ABCC8: variants seen among roughly 807,000 people sequenced by gnomAD.
ABCC8 encodes the protein ATP binding cassette subfamily C member 8, also known as ATP-binding cassette sub-family C member 8.
In ABCC8, 137 loss-of-function variants were observed where a neutral mutation model predicts 188.0. That is an observed-to-expected ratio of 0.73 (90% confidence interval 0.63 to 0.84). The LOEUF (loss-of-function observed/expected upper bound fraction) is 0.84, where lower values mean the gene tolerates loss of function less well. Ranked by LOEUF, ABCC8 falls within the 40% of genes least tolerant of loss-of-function variation. ABCC8 has a pLI of 0.00. For synonymous variants in ABCC8, 797 were observed against 846.5 expected, an observed-to-expected ratio of 0.94 and a Z score of 1.01; for missense variants, 1,750 against 2,072.7, an observed-to-expected ratio of 0.84 and a Z score of 3.02.
In ABCC8 at chr11:17,407,387, C is replaced by G; in HGVS notation, c.2887G>C (p.Asp963His). Reference sequence around the variant, plus strand: ...TCTTCCTCATCCTGCAGAAGGCCATCCCTCGAGGACATGGCACGAGATAGG... The same window carrying G: ...TCTTCCTCATCCTGCAGAAGGCCATGCCTCGAGGACATGGCACGAGATAGG... ...QGLSRAMSSR[D>H]GLLQDEEEEE... The change falls in exon 24 of 39, where the codon GAT becomes CAT. Residue 963 changes from aspartate (D) to histidine (H), a missense_variant. Asp to His is a moderately conservative substitution (Grantham distance 81). Transcript: ENST00000389817. The G allele has an allele frequency of 3.1e-6, 5 of 1,614,184 alleles. No homozygotes were observed. The highest frequency in any genetic ancestry group is 4.2e-6 in the Non-Finnish European group (5 of 1,180,042).
rs1591794603 is a variant in ABCC8, at chr11:17,427,102, A to G, written c.2169T>C (p.Leu723=). 14 of 1,613,762 alleles carry G rather than the reference A, an allele frequency of 8.7e-6. No homozygotes were observed. Among genetic ancestry groups the G allele is most frequent in the Non-Finnish European group, 1.1e-5 (13 of 1,179,928 alleles). ...GQVGCGKSSL[L]LAALGEMQKV... ...TCTGCATCTCCCCCAGTGCGGCTAG[A>G]AGGAGCGAGGACTTGCCGCAGCCCA... is the stretch of plus-strand genomic sequence containing the variant. The change falls in exon 16 of 39, where the codon CTT becomes CTC. Residue 723 remains leucine, a synonymous_variant. Coordinates refer to ENST00000389817, the MANE Select transcript of ABCC8 (RefSeq NM_000352.6). This position sits in a 1 kb window ranked among gnomAD's most constrained non-coding sequence, Gnocchi z 5.0.
rs558113444 is a variant in ABCC8, at chr11:17,395,792, A to G, written c.4198+60T>C. The G allele has an allele frequency of 1.8e-5, 28 of 1,554,058 alleles. No homozygotes were observed. The African/African-American group carries it at 3.0e-4, about 17-fold the overall frequency. On this transcript the variant is annotated intron_variant, in intron 34 of 38. Transcript: ENST00000389817. ...CTCCTGTCATGTCTGACCACGTGCC[A>G]GGGCTGAGGCCTCATCTGGTGGCTG...
At chr11:17,464,420 C>G (rs561758574) in intron 3 of ABCC8, among the ~76,000 whole-genome samples, 1 of 152,310 alleles carries the variant, frequency 6.6e-6, no homozygotes, top group East Asian at 1.9e-4. Context: ...GCCAGATACA[C>G]CTGGGCTCAG....
intron 1 of ABCC8, 49 bp downstream of exon 1, chr11:17,476,580 C>T (rs1189182046): frequency 1.3e-6 from 2 of 1,595,050 alleles, no homozygotes; most frequent in African/African-American, 1.4e-5. Context: ...CCTCCTCCTC[C>T]CTCCCTGCTC....
At chr11:17,459,376 C>T (rs1245883847) in intron 6 of ABCC8, among the ~76,000 whole-genome samples, 1 of 152,166 alleles carries the variant, frequency 6.6e-6, no homozygotes, top group African/African-American at 2.4e-5. Context: ...CCAACCCAGG[C>T]CTGGCACACA....
intron 29 of ABCC8, among the ~76,000 whole-genome samples, chr11:17,402,196 G>A (rs958987112): frequency 1.3e-5 from 2 of 152,132 alleles, no homozygotes; most frequent in African/African-American, 4.8e-5. Flanking sequence ...GTTATAGAAC[G>A]TCTCTGTGCC....
chr11:17,413,665 G>T, intron 19 of ABCC8, 187 bp from the exon 20 acceptor site: 1 of 1,230,782 alleles, frequency 8.1e-7, no homozygotes, highest in Middle Eastern at 2.7e-4. Flanking sequence ...ACTTCACACA[G>T]CGTTTGGGCA....
At chr11:17,415,987 C>CAGAGTGAGAA (rs1258251894) in intron 17 of ABCC8, among the ~76,000 whole-genome samples, 1 of 152,230 alleles carries the variant, frequency 6.6e-6, no homozygotes, top group East Asian at 1.9e-4. Context: ...TGTTCTCATC[C>CAGAGTGAGAA]ACATATGCAA....
At chr11:17,394,181 C>G in intron 37 of ABCC8, 85 bp downstream of exon 37, 1 of 1,532,250 alleles carries the variant, frequency 6.5e-7, no homozygotes, top group Non-Finnish European at 9.0e-7. Context: ...ACTTGAGCCT[C>G]AGGACTACTT....
intron 32 of ABCC8, 73 bp from the exon 33 acceptor site, chr11:17,397,119 G>A: frequency 6.2e-7 from 1 of 1,613,610 alleles, no homozygotes; most frequent in Admixed American, 1.7e-5. Context: ...CCCATCCCCA[G>A]GCTCCCTTGT....
intron 16 of ABCC8, 90 bp downstream of exon 16, chr11:17,426,958 GC>G: frequency 7.0e-7 from 1 of 1,429,446 alleles, no homozygotes; most frequent in East Asian, 2.4e-5. Context: ...CACAGAGTGG[GC>G]CCTCCAATAA....
rs781153278 is a variant in ABCC8 at position 17,430,806 on chromosome 11, C to T, written c.1817+8G>A. ...TGCCCAGTGCCCTCGCCCGGACCCTCCCCTCACCTCACTAGAGCTTTGACG... is the reference window on the plus strand; with the variant it reads ...TGCCCAGTGCCCTCGCCCGGACCCTTCCCTCACCTCACTAGAGCTTTGACG... On this transcript the variant is annotated splice_region_variant and intron_variant, in intron 12 of 38. Transcript: ENST00000389817. 6 of 1,614,034 alleles carry T rather than the reference C, an allele frequency of 3.7e-6. No individual in the cohort carries two copies. The Admixed American group carries it at 5.0e-5, about 13-fold the overall frequency.
chr11:17,434,982 CGCGTGT>C (rs1159586829), intron 10 of ABCC8, among the ~76,000 whole-genome samples: 1,940 of 62,746 alleles, frequency 0.031, 41 homozygotes, highest in African/African-American at 0.095. Flanking sequence ...TGCGTGTGTT[CGCGTGT>C]GTGTGTGTGT....
Position 17,428,465 on chromosome 11 carries a change from C to G in ABCC8, c.1924-60G>C, listed in dbSNP as rs1955695759. 3 of 1,602,626 alleles carry G rather than the reference C, an allele frequency of 1.9e-6. No homozygotes were observed. The African/African-American group carries it at 4.0e-5, about 22-fold the overall frequency. Reference sequence around the variant, plus strand: ...TGGGAGCTGTGTAGGGAAGGGAGCCCCTCTTCCTGGGAAAAAAGGCAGAAG... The same window carrying G: ...TGGGAGCTGTGTAGGGAAGGGAGCCGCTCTTCCTGGGAAAAAAGGCAGAAG... On this transcript the variant is annotated intron_variant, in intron 13 of 38. Transcript: ENST00000389817.
intron 12 of ABCC8, chr11:17,430,256 C>T: frequency 5.6e-6 from 1 of 177,832 alleles, no homozygotes; most frequent in Non-Finnish European, 1.2e-5. Flanking sequence ...GTGGCAGAGT[C>T]CCCATGAGGC....
chr11:17,474,860 T>C, intron 2 of ABCC8, 26 bp downstream of exon 2: 1 of 1,612,602 alleles, frequency 6.2e-7, no homozygotes, highest in Non-Finnish European at 8.5e-7. Context: ...AGATTCACTT[T>C]CCTGAGTCCT....
At chr11:17,460,454 G>C in intron 6 of ABCC8, 34 bp downstream of exon 6, 1 of 1,613,742 alleles carries the variant, frequency 6.2e-7, no homozygotes, top group South Asian at 1.1e-5. Context: ...AAACCATCTA[G>C]AGGGTGCCTT....
rs768023161 is a variant in ABCC8 at position 17,448,638 on chromosome 11, T to C, written c.1210A>G (p.Thr404Ala). The change falls in exon 8 of 39, where the codon ACC becomes GCC. Residue 404 changes from threonine to alanine, a missense_variant. Physicochemically the swap from Thr to Ala is moderately conservative, Grantham distance 58 (BLOSUM62 0). Coordinates refer to ENST00000389817, the MANE Select transcript of ABCC8 (RefSeq NM_000352.6). ...ATTTCTCCCATGGACAGGTTGGAGG[T>C]GGACAGGTGCATAATTTTATTGTAA... is the stretch of plus-strand genomic sequence containing the variant. ...KIYNKIMHLS[T>A]SNLSMGEMTA... 1.9e-6 allele frequency: 3 copies of C among 1,614,100 alleles called. No individual in the cohort carries two copies. The highest frequency in any genetic ancestry group is 2.5e-6 in the Non-Finnish European group (3 of 1,180,006).
intron 10 of ABCC8, among the ~76,000 whole-genome samples, chr11:17,438,258 GA>G (rs1408526084): frequency 6.6e-6 from 1 of 152,218 alleles, no homozygotes; most frequent in African/African-American, 2.4e-5. Context: ...CTGGCACACA[GA>G]AGGTGGGCAG....
Sources: allele counts gnomAD v4.1 joint callset (sites outside exome capture counted in the v4.1 genomes callset), GRCh38; gene constraint gnomAD v4.1.1; non-coding constraint Gnocchi (gnomAD v3.1); transcripts MANE v1.5; gene names NCBI Gene and HGNC (gene_info 2026-07-23, HGNC 2026-07-21).